The following NTN5 variants were observed in gnomAD, a reference collection of about 807,000 sequenced individuals.
NTN5 encodes netrin-5.
A neutral mutation model predicts 38.7 loss-of-function variants in NTN5; 42 were observed. That is an observed-to-expected ratio of 1.08 (90% CI 0.85 to 1.40). The LOEUF (loss-of-function observed/expected upper bound fraction) is 1.40, where lower values mean the gene tolerates loss of function less well. NTN5 is among the 40% of genes most tolerant of loss of function. NTN5 has a pLI of 0.00. For synonymous variants in NTN5, 329 were observed against 303.9 expected (o/e 1.08, Z -0.86); for missense variants, 658 against 716.5 (o/e 0.92, Z 0.93).
At chr19:48,668,301 G>T (rs2031759141) in intron 2 of NTN5, among the ~76,000 whole-genome samples, 1 of 152,160 alleles carries the variant, frequency 6.6e-6, no homozygotes, top group Non-Finnish European at 1.5e-5. Flanking sequence ...TTTGGCAGGT[G>T]CTCAGGAAGC....
Position 48,670,939 on chromosome 19 carries a change from C to G in NTN5, c.48G>C (p.Ala16=). ...ALLLLLGQAT[A]DPCYDPQGRP... ...GGCCCTGTGGATCGTAGCATGGGTC[C>G]GCAGTGGCCTGGCCCAGGAGGAGCA... is the stretch of plus-strand genomic sequence containing the variant. The change falls in exon 2 of 7, where the codon GCG becomes GCC. Residue 16 remains alanine, a synonymous_variant. Transcript: ENST00000270235. 6.3e-7 allele frequency: 1 copy of G among 1,576,672 alleles called. No individual in the cohort carries two copies. Among genetic ancestry groups the G allele is most frequent in the Non-Finnish European group, 8.6e-7 (1 of 1,160,214 alleles).
At chr19:48,664,790 G>T in intron 2 of NTN5, 23 bp from the exon 3 acceptor site, 2 of 1,507,974 alleles carry the variant, frequency 1.3e-6, no homozygotes, top group Non-Finnish European at 8.9e-7. Context: ...TGGGGTGGGG[G>T]CGCATCAGGG....
At chr19:48,662,964 C>A in intron 6 of NTN5, 1 of 287,772 alleles carries the variant, frequency 3.5e-6, no homozygotes, top group Non-Finnish European at 7.0e-6. Flanking sequence ...TTGGCTGGGC[C>A]GAACTCCTGA....
chr19:48,671,757 T>C (rs1055283585), intron 1 of NTN5, among the ~76,000 whole-genome samples: 2 of 152,094 alleles, frequency 1.3e-5, no homozygotes, highest in Non-Finnish European at 2.9e-5. Flanking sequence ...CCTAACCTTG[T>C]TCTCCACACC....
At chr19:48,669,339 T>C (rs202226328) in intron 2 of NTN5, among the ~76,000 whole-genome samples, 95 of 2,484 alleles carry the variant, frequency 0.038, no homozygotes, top group Admixed American at 0.1. Context: ...ACCACCACCA[T>C]CACCACCACC....
At chr19:48,662,356 G>A (rs2147735566) in intron 6 of NTN5, 1 of 246,396 alleles carries the variant, frequency 4.1e-6, no homozygotes, top group East Asian at 7.9e-5. Context: ...TGGGAAGGAG[G>A]GGTCACATTG....
rs773344916 is a variant in NTN5 at position 48,670,541 on chromosome 19, G to C, written c.446C>G (p.Ala149Gly). 2 of 1,505,432 alleles carry C rather than the reference G, an allele frequency of 1.3e-6. No individual in the cohort carries two copies. Among genetic ancestry groups the C allele is most frequent in the African/African-American group, 2.8e-5 (2 of 71,818 alleles). The allele number at this position is 1,505,432 out of a possible 1,614,324, so 93.3% of individuals were successfully genotyped here. A position where few individuals can be genotyped will look rare whatever the true frequency, so the allele number is the denominator to read the frequency against. ...GCAGCGGCCTCTCAGCCCAGCTGCCGCTAGCCCGGCCTGGCCCCCAAACTC... is the reference window on the plus strand; with the variant it reads ...GCAGCGGCCTCTCAGCCCAGCTGCCCCTAGCCCGGCCTGGCCCCCAAACTC... Reference protein sequence around the residue: ...RVEFGGQAGLAAAGLRGRCQC... With the variant: ...RVEFGGQAGLGAAGLRGRCQC... The change falls in exon 2 of 7, where the codon GCG becomes GGG. Residue 149 changes from alanine (A) to glycine (G), a missense_variant. By Grantham distance (60) the Ala-to-Gly change is moderately conservative (BLOSUM62 0). Transcript: ENST00000270235.
Position 48,670,505 on chromosome 19 carries a change from C to A in NTN5, c.482G>T (p.Gly161Val). ...AGLRGRCQCH[G>V]HAARCAARAR... ...ACGGGCGGCACAGCGGGCAGCGTGG[C>A]CATGACACTGGCAGCGGCCTCTCAG... Residue 161 changes from glycine (G) to valine (V), a missense_variant, in exon 2 of 7, where the codon GGC becomes GTC. Gly to Val is a moderately radical substitution (Grantham distance 109). Transcript: ENST00000270235. The A allele has an allele frequency of 6.7e-7, 1 of 1,484,292 alleles. No homozygotes were observed. The highest frequency in any genetic ancestry group is 9.0e-7 in the Non-Finnish European group (1 of 1,115,616). The allele number at this position is 1,484,292 out of a possible 1,614,324, so 91.9% of individuals were successfully genotyped here.
In NTN5 at chr19:48,670,797, T is replaced by C. The variant is rs1309798783; in HGVS notation, c.190A>G (p.Ser64Gly). ...GGGCCACCCAGGGCCAAAGTCAGGC[T>C]GCCATTGCAGGTTTCCCTGGCGCCA... ...HLGARETCNG[S>G]LTLALGGPFL... Residue 64 changes from serine to glycine, a missense_variant, in exon 2 of 7, where the codon AGC becomes GGC. Transcript: ENST00000270235. 5 of 1,613,026 alleles carry C rather than the reference T, an allele frequency of 3.1e-6. No homozygotes were observed. The highest frequency in any genetic ancestry group is 4.2e-6 in the Non-Finnish European group (5 of 1,179,964).
At chr19:48,668,532 A>C (rs2031764040) in intron 2 of NTN5, among the ~76,000 whole-genome samples, 1 of 152,152 alleles carries the variant, frequency 6.6e-6, no homozygotes, top group Admixed American at 6.5e-5. Flanking sequence ...CTGCCAGGCC[A>C]CCAAGGCCGT....
At chr19:48,664,406 C>T in intron 3 of NTN5, 114 bp from the exon 4 acceptor site, 1 of 1,423,680 alleles carries the variant, frequency 7.0e-7, no homozygotes, top group Non-Finnish European at 9.4e-7. Flanking sequence ...CCCCTCTTCC[C>T]TCAGACCCAG....
At chr19:48,663,351 A>C in intron 6 of NTN5, 112 bp downstream of exon 6, 1 of 969,144 alleles carries the variant, frequency 1.0e-6, no homozygotes, top group Admixed American at 1.7e-5. Flanking sequence ...TTGGAATCCA[A>C]CACTCCTTCC....
At chr19:48,669,594 TCAC>T (rs2031851464) in intron 2 of NTN5, among the ~76,000 whole-genome samples, 1 of 3,448 alleles carries the variant, frequency 2.9e-4, no homozygotes, top group Admixed American at 3.6e-3. Flanking sequence ...ACGACCACCA[TCAC>T]CACCACCACC....
intron 2 of NTN5, among the ~76,000 whole-genome samples, chr19:48,665,556 C>T (rs548635370): frequency 2.6e-5 from 4 of 152,048 alleles, no homozygotes; most frequent in East Asian, 1.9e-4. Context: ...CACGATGGCT[C>T]GTGCCTGTAA....
chr19:48,661,653 G>C lies in NTN5; in HGVS notation c.*24C>G. On this transcript the variant is annotated 3_prime_UTR_variant, in exon 7 of 7. Transcript: ENST00000270235. Reference sequence around the variant, plus strand: ...GTCGCTCCCAAATTACTTTGTTGGTGCTCGAGGCAGCCCCATCTCACGTCT... The same window carrying C: ...GTCGCTCCCAAATTACTTTGTTGGTCCTCGAGGCAGCCCCATCTCACGTCT... 1 of 1,512,576 alleles carries C rather than the reference G, an allele frequency of 6.6e-7. No individual in the cohort carries two copies. Among genetic ancestry groups the C allele is most frequent in the African/African-American group, 1.4e-5 (1 of 69,524 alleles). The allele number at this position is 1,512,576 out of a possible 1,614,324, so 93.7% of individuals were successfully genotyped here.
chr19:48,661,946 G>GA lies in NTN5; in HGVS notation c.1200_1201insT (p.Pro401SerfsTer110). ...GCGTCCTGGTCGCCGCGTCGCACGG[G>GA]CTGCGCCCGCTGCTTGTAAACGGCC... is the stretch of plus-strand genomic sequence containing the variant. On this transcript the variant is annotated frameshift_variant, in exon 7 of 7. Transcript: ENST00000270235. LOFTEE classifies it low-confidence loss of function (END_TRUNC). 2.1e-6 allele frequency: 3 copies of GA among 1,426,528 alleles called. No homozygotes were observed. The highest frequency in any genetic ancestry group is 2.7e-6 in the Non-Finnish European group (3 of 1,097,144). 88.4% of individuals were successfully genotyped at this position (1,426,528 alleles called of 1,614,324 possible).
At chr19:48,669,721 C>A (rs867404648) in intron 2 of NTN5, among the ~76,000 whole-genome samples, 7 of 107,092 alleles carry the variant, frequency 6.5e-5, no homozygotes, top group Admixed American at 1.0e-4. Context: ...ACCATCACCA[C>A]CACCACCACC....
intron 2 of NTN5, among the ~76,000 whole-genome samples, chr19:48,669,861 C>A (rs1216072365): frequency 8.5e-6 from 1 of 118,290 alleles, no homozygotes; most frequent in Non-Finnish European, 1.9e-5. Flanking sequence ...ATCACCACCA[C>A]CATCACCATC....
At position 48,663,495 on chromosome 19, in the gene NTN5, A is replaced by G. The variant is rs749685300; in HGVS notation, c.1073T>C (p.Met358Thr). 6.2e-7 allele frequency: 1 copy of G among 1,614,136 alleles called. No individual in the cohort carries two copies. Among genetic ancestry groups the G allele is most frequent in the Non-Finnish European group, 8.5e-7 (1 of 1,179,958 alleles). ...CTGCTGGCAGTACCTCCGAAGGCTC[A>G]TGTGTACCCTGGTGTCCGACATATT... ...YCNMSDTRVH[M>T]SLRRYCQQDH... is the part of the protein sequence containing the mutation. The change falls in exon 6 of 7, where the codon ATG (methionine) becomes ACG (threonine). Residue 358 changes from methionine (M) to threonine (T), a missense_variant. By Grantham distance (81) the Met-to-Thr change is moderately conservative. Coordinates refer to ENST00000270235, the MANE Select transcript of NTN5 (RefSeq NM_145807.4).
Sources: gnomAD v4.1 joint callset for allele counts (sites outside exome capture counted in the v4.1 genomes callset) on GRCh38, gnomAD v4.1.1 for gene constraint, MANE v1.5 for transcripts, NCBI Gene and HGNC (gene_info 2026-07-23, HGNC 2026-07-21) for gene names.